Variants in CGB5 observed in about 807,000 individuals in gnomAD.
CGB5 encodes chorionic gonadotropin subunit beta 5.
Under a neutral mutation model 7.6 loss-of-function variants are expected in CGB5, and 2 were observed. The ratio of observed to expected loss-of-function variants is 0.26; its 90% CI spans 0.11 to 0.83. CGB5 has a LOEUF of 0.83. Ranked by LOEUF, CGB5 falls within the 40% of genes least tolerant of loss-of-function variation. The pLI is 0.65. For synonymous variants in CGB5, 25 were observed against 99.8 expected (o/e 0.25, Z 4.47); for missense variants, 48 against 228.2 (o/e 0.21, Z 5.09).
chr19:49,044,861 G>A (rs1238282530), intron 2 of CGB5, 117 bp downstream of exon 2: 18 of 1,487,292 alleles, frequency 1.2e-5, no homozygotes, highest in African/African-American at 4.6e-5. Flanking sequence ...GGGTGTGGGA[G>A]GGCAGGAACA....
chr19:49,044,042 G>C lies in CGB5; in HGVS notation c.-168G>C, dbSNP rs1205937222. ...CTGGACCAGTGAGAGGAGAGGGCTG[G>C]GGCGCTCCGCTGAGCCACTCCTGCG... On this transcript the variant is annotated 5_prime_UTR_variant, in exon 1 of 3. Transcript: ENST00000301408. 4.5e-6 allele frequency: 5 copies of C among 1,115,048 alleles called. No individual in the cohort carries two copies. Among genetic ancestry groups the C allele is most frequent in the Non-Finnish European group, 6.4e-6 (5 of 786,606 alleles). The allele number at this position is 1,115,048 out of a possible 1,614,324, so 69.1% of individuals were successfully genotyped here.
intron 1 of CGB5, 107 bp downstream of exon 1, chr19:49,044,331 A>G (rs1423224304): frequency 1.9e-6 from 3 of 1,607,580 alleles, no homozygotes; most frequent in South Asian, 1.1e-5. Flanking sequence ...TTTCTGGAGG[A>G]GCGTGACCCC....
rs1014718309 is a variant in CGB5, at chr19:49,044,077, C to A, written c.-133C>A. 4 of 1,520,340 alleles carry A rather than the reference C, an allele frequency of 2.6e-6. No homozygotes were observed. The highest frequency in any genetic ancestry group is 1.4e-5 in the African/African-American group (1 of 72,646). 94.2% of individuals were successfully genotyped at this position (1,520,340 alleles called of 1,614,324 possible). A position where few individuals can be genotyped will look rare whatever the true frequency, so the allele number is the denominator to read the frequency against. ...CTGAGCCACTCCTGCGCCCCCCTGG[C>A]CTTGTCTACCTCTTGCCCCCCGAAG... is the stretch of plus-strand genomic sequence containing the variant. On this transcript the variant is annotated 5_prime_UTR_variant, in exon 1 of 3. Coordinates refer to ENST00000301408, the MANE Select transcript of CGB5 (RefSeq NM_033043.2).
intron 1 of CGB5, 66 bp from the exon 2 acceptor site, chr19:49,044,511 G>C (rs990718333): frequency 1.4e-6 from 2 of 1,420,414 alleles, no homozygotes; most frequent in Non-Finnish European, 1.9e-6. Flanking sequence ...TGTACCACGC[G>C]GGATGGGAAG....
intron 2 of CGB5, 85 bp from the exon 3 acceptor site, chr19:49,044,895 C>T: frequency 6.3e-7 from 1 of 1,587,290 alleles, no homozygotes; most frequent in South Asian, 1.1e-5. Flanking sequence ...ACCCCTGAGT[C>T]TGAGACCTGT....
Position 49,044,591 on chromosome 19 carries a change from G to A in CGB5, c.30G>A (p.Leu10=), listed in dbSNP as rs371982291. 1.8e-3 allele frequency: 2,840 copies of A among 1,573,082 alleles called. 24 individuals carry two copies. The East Asian group carries it at 0.044, about 24-fold the overall frequency. The change falls in exon 2 of 3, where the codon TTG becomes TTA. Residue 10 remains leucine (L), a synonymous_variant. Coordinates refer to ENST00000301408, the MANE Select transcript of CGB5 (RefSeq NM_033043.2). ...CCTTGTCCCAGGGGCTGCTGCTGTTGCTGCTGCTGAGCATGGGCGGGACAT... is the reference window on the plus strand; with the variant it reads ...CCTTGTCCCAGGGGCTGCTGCTGTTACTGCTGCTGAGCATGGGCGGGACAT... MEMFQGLLL[L]LLLSMGGTWA... is the part of the protein sequence containing the mutation.
At position 49,044,016 on chromosome 19, in the gene CGB5, G is replaced by A. The variant is rs1041812814; in HGVS notation, c.-194G>A. 67 of 1,183,966 alleles carry A rather than the reference G, an allele frequency of 5.7e-5. No homozygotes were observed. The highest frequency in any genetic ancestry group is 9.3e-5 in the African/African-American group (6 of 64,364). 73.3% of individuals were successfully genotyped at this position (1,183,966 alleles called of 1,614,324 possible). A position where few individuals can be genotyped will look rare whatever the true frequency, so the allele number is the denominator to read the frequency against. On this transcript the variant is annotated 5_prime_UTR_variant, in exon 1 of 3. Transcript: ENST00000301408. ...CCGTGGTCTCCGCCTCACCCTTGGC[G>A]CTGGACCAGTGAGAGGAGAGGGCTG...
rs2039914294 is a variant in CGB5, at chr19:49,044,195, G to C, written c.-15G>C. On this transcript the variant is annotated 5_prime_UTR_variant, in exon 1 of 3. Coordinates refer to ENST00000301408, the MANE Select transcript of CGB5 (RefSeq NM_033043.2). Reference sequence around the variant, plus strand: ...GGTATAAAGCCAGGTACACGAGGCAGGGGACGCACCAAGGATGGAGATGTT... The same window carrying C: ...GGTATAAAGCCAGGTACACGAGGCACGGGACGCACCAAGGATGGAGATGTT... The C allele has an allele frequency of 6.2e-7, 1 of 1,612,420 alleles. No homozygotes were observed. The highest frequency in any genetic ancestry group is 1.1e-5 in the South Asian group (1 of 91,068).
chr19:49,044,219 T>C lies in CGB5; in HGVS notation c.10T>C (p.Phe4Leu), dbSNP rs371475564. Residue 4 changes from phenylalanine to leucine, a missense_variant, in exon 1 of 3, where the codon TTC becomes CTC. Phe to Leu is a conservative substitution (Grantham distance 22). Transcript: ENST00000301408. Reference sequence around the variant, plus strand: ...AGGGGACGCACCAAGGATGGAGATGTTCCAGGTAAGACTGCAGGGCCCCTG... The same window carrying C: ...AGGGGACGCACCAAGGATGGAGATGCTCCAGGTAAGACTGCAGGGCCCCTG... MEM[F>L]QGLLLLLLLS... 202 of 1,613,386 alleles carry C rather than the reference T, an allele frequency of 1.3e-4. No homozygotes were observed. Among genetic ancestry groups the C allele is most frequent in the Non-Finnish European group, 1.5e-4 (180 of 1,179,824 alleles).
rs766122270 is a variant in CGB5, at chr19:49,044,167, C to G, written c.-43C>G. On this transcript the variant is annotated 5_prime_UTR_variant, in exon 1 of 3. Coordinates refer to ENST00000301408, the MANE Select transcript of CGB5 (RefSeq NM_033043.2). Reference sequence around the variant, plus strand: ...GGTGGCCTTGCCGCCCCCACAACCCCGAGGTATAAAGCCAGGTACACGAGG... The same window carrying G: ...GGTGGCCTTGCCGCCCCCACAACCCGGAGGTATAAAGCCAGGTACACGAGG... 4 of 1,613,848 alleles carry G rather than the reference C, an allele frequency of 2.5e-6. No homozygotes were observed. The highest frequency in any genetic ancestry group is 1.1e-5 in the South Asian group (1 of 91,074).
intron 1 of CGB5, 138 bp from the exon 2 acceptor site, chr19:49,044,439 T>G: frequency 6.8e-7 from 1 of 1,468,312 alleles, no homozygotes. Context: ...GAAAGGCAGG[T>G]GTCCGGGTGG....
In CGB5 at chr19:49,043,942, G is replaced by C. The variant is rs369314198; in HGVS notation, c.-268G>C. ...TACACCCTACTCCCTGTGCCTCCAG[G>C]CTCGACTAGTCCCTAGCACTCGACG... On this transcript the variant is annotated 5_prime_UTR_variant, in exon 1 of 3. Coordinates refer to ENST00000301408, the MANE Select transcript of CGB5 (RefSeq NM_033043.2). 7.4e-3 allele frequency: 8,309 copies of C among 1,117,602 alleles called. 146 individuals are homozygous for C. In the African/African-American group the frequency reaches 0.089, roughly 12 times the overall value. The allele number at this position is 1,117,602 out of a possible 1,614,324, so 69.2% of individuals were successfully genotyped here.
intron 1 of CGB5, 121 bp downstream of exon 1, chr19:49,044,345 T>C: frequency 1.2e-6 from 2 of 1,605,540 alleles, no homozygotes; most frequent in Non-Finnish European, 1.7e-6. Flanking sequence ...TGACCCCCAG[T>C]AAGCTTCAGG....
Position 49,043,967 on chromosome 19 carries a change from G to A in CGB5, c.-243G>A, listed in dbSNP as rs1003273379. 85 of 1,215,704 alleles carry A rather than the reference G, an allele frequency of 7.0e-5. No individual in the cohort carries two copies. The African/African-American group carries it at 8.0e-4, about 11-fold the overall frequency. 75.3% of individuals were successfully genotyped at this position (1,215,704 alleles called of 1,614,324 possible). A position where few individuals can be genotyped will look rare whatever the true frequency, so the allele number is the denominator to read the frequency against. Reference sequence around the variant, plus strand: ...GCTCGACTAGTCCCTAGCACTCGACGACTGAGTCTCTGAGATCACTTCACC... The same window carrying A: ...GCTCGACTAGTCCCTAGCACTCGACAACTGAGTCTCTGAGATCACTTCACC... On this transcript the variant is annotated 5_prime_UTR_variant, in exon 1 of 3. Transcript: ENST00000301408.
intron 1 of CGB5, 129 bp from the exon 2 acceptor site, chr19:49,044,448 G>T: frequency 4.8e-6 from 7 of 1,451,180 alleles, no homozygotes; most frequent in Non-Finnish European, 6.3e-6. Context: ...GTGTCCGGGT[G>T]GTGGGTCCTG....
intron 2 of CGB5, 97 bp from the exon 3 acceptor site, chr19:49,044,883 G>C: frequency 6.4e-7 from 1 of 1,572,950 alleles, no homozygotes. Context: ...AGGGCTTCCC[G>C]GACCCCTGAG....
intron 1 of CGB5, 103 bp downstream of exon 1, chr19:49,044,327 G>C: frequency 6.2e-7 from 1 of 1,608,368 alleles, no homozygotes; most frequent in South Asian, 1.1e-5. Flanking sequence ...CCTCTTTCTG[G>C]AGGAGCGTGA....
Position 49,044,992 on chromosome 19 carries a change from C to T in CGB5, c.196C>T (p.Gln66Ter). ...GYCPTMTRVL[Q>*]GVLPALPQVV... ...ACACGGCTTCCAGACCCGCGTGCTG[C>T]AGGGGGTCCTGCCGGCCCTGCCTCA... The change falls in exon 3 of 3, where the codon CAG becomes TAG. Residue 66 changes from glutamine (Q) to a stop codon, truncating the protein, a stop_gained. Coordinates refer to ENST00000301408, the MANE Select transcript of CGB5 (RefSeq NM_033043.2). LOFTEE classifies it low-confidence loss of function (END_TRUNC). 2 of 1,565,708 alleles carry T rather than the reference C, an allele frequency of 1.3e-6. No individual in the cohort carries two copies. The highest frequency in any genetic ancestry group is 4.5e-5 in the East Asian group (2 of 44,644).
In CGB5 at chr19:49,044,202, C is replaced by T. The variant is rs1389297763; in HGVS notation, c.-8C>T. The stretch of plus-strand genomic sequence containing the variant: ...AGCCAGGTACACGAGGCAGGGGACG[C>T]ACCAAGGATGGAGATGTTCCAGGTA... On this transcript the variant is annotated 5_prime_UTR_variant, in exon 1 of 3. Coordinates refer to ENST00000301408, the MANE Select transcript of CGB5 (RefSeq NM_033043.2). The T allele has an allele frequency of 1.9e-6, 3 of 1,613,506 alleles. No homozygotes were observed. Among genetic ancestry groups the T allele is most frequent in the South Asian group, 1.1e-5 (1 of 91,070 alleles).
Sources: gnomAD v4.1 joint callset for allele counts on GRCh38, gnomAD v4.1.1 for gene constraint, MANE v1.5 for transcripts, NCBI Gene and HGNC (gene_info 2026-07-23, HGNC 2026-07-21) for gene names.